ASMTL: variants seen among roughly 807,000 people sequenced by gnomAD.
ASMTL encodes probable bifunctional dTTP/UTP pyrophosphatase/methyltransferase protein.
Under a neutral mutation model 60.3 loss-of-function variants are expected in ASMTL, and 57 were observed. That is an observed-to-expected ratio of 0.95 (90% confidence interval 0.76 to 1.18). ASMTL has a LOEUF of 1.18. Ranked by LOEUF, ASMTL falls within the 50% of genes most tolerant of loss-of-function variation. The pLI, the probability that ASMTL is intolerant of heterozygous loss-of-function variation, is 0.00. For synonymous variants in ASMTL, 419 were observed against 373.0 expected (o/e 1.12, Z -1.42); for missense variants, 981 against 852.6 (o/e 1.15, Z -1.88).
chrX:1,403,648 G>C (rs1291544546), intron 12 of ASMTL, 159 bp from the exon 13 acceptor site: 8 of 638,612 alleles, frequency 1.3e-5, no homozygotes, highest in Non-Finnish European at 2.2e-5. Flanking sequence ...AGGGGAGAGA[G>C]ACAGAGACTT....
chrX:1,411,786 T>C (rs192319328), intron 12 of ASMTL, among the ~76,000 whole-genome samples: 1 of 150,690 alleles, frequency 6.6e-6, no homozygotes, highest in Non-Finnish European at 1.5e-5. Flanking sequence ...ATAGTAAATA[T>C]ATTTTCTCTT....
chrX:1,418,181 G>T, intron 10 of ASMTL, 65 bp from the exon 11 acceptor site: 1 of 1,506,066 alleles, frequency 6.6e-7, no homozygotes, highest in African/African-American at 1.4e-5. Flanking sequence ...ACTCTCCAAA[G>T]CTCAACTGGG....
intron 7 of ASMTL, 169 bp downstream of exon 7, chrX:1,427,565 G>C: frequency 4.4e-6 from 1 of 228,212 alleles, no homozygotes; most frequent in Non-Finnish European, 7.3e-6. Context: ...CAGGAGCTGG[G>C]AGAGGCAGGA....
intron 6 of ASMTL, among the ~76,000 whole-genome samples, chrX:1,431,702 A>G (rs1204579754): frequency 6.7e-6 from 1 of 148,494 alleles, no homozygotes; most frequent in Non-Finnish European, 1.5e-5. Flanking sequence ...GGAATACATA[A>G]ATTATATATA....
chrX:1,410,783 G>A (rs1332511395), intron 12 of ASMTL, among the ~76,000 whole-genome samples: 40 of 152,038 alleles, frequency 2.6e-4, no homozygotes, highest in African/African-American at 8.2e-4. Flanking sequence ...CCAGCTACTC[G>A]GGAGGCTGAG....
intron 5 of ASMTL, among the ~76,000 whole-genome samples, chrX:1,432,982 C>T (rs1307563736): frequency 6.6e-6 from 1 of 152,218 alleles, no homozygotes; most frequent in African/African-American, 2.4e-5. Flanking sequence ...CCTGTCATCC[C>T]AGCTACTCGG....
At chrX:1,413,452 C>T (rs1356631547) in intron 11 of ASMTL, among the ~76,000 whole-genome samples, 14 of 152,228 alleles carry the variant, frequency 9.2e-5, no homozygotes, top group Admixed American at 6.5e-4. Flanking sequence ...GCCGCACTGC[C>T]GGTGAGTGGG....
At chrX:1,438,884 C>G (rs1219755430) in intron 3 of ASMTL, among the ~76,000 whole-genome samples, 2 of 152,182 alleles carry the variant, frequency 1.3e-5, no homozygotes, top group African/African-American at 4.8e-5. Flanking sequence ...ACCTCGGCCT[C>G]CCAAAATGCT....
At chrX:1,420,439 C>T (rs2090452294) in intron 9 of ASMTL, among the ~76,000 whole-genome samples, 1 of 152,186 alleles carries the variant, frequency 6.6e-6, no homozygotes, top group Non-Finnish European at 1.5e-5. Flanking sequence ...GCCCCCGGCT[C>T]CCTGGGGCTC....
At chrX:1,448,744 C>A (rs1165320417) in intron 1 of ASMTL, among the ~76,000 whole-genome samples, 1 of 151,572 alleles carries the variant, frequency 6.6e-6, no homozygotes, top group Non-Finnish European at 1.5e-5. Flanking sequence ...GGGACACACA[C>A]CACCATCTTG....
chrX:1,430,773 A>G lies in ASMTL; in HGVS notation c.509+1496T>C, dbSNP rs191712847. 3.4e-5 allele frequency among the ~76,000 whole-genome samples: 5 copies of G among 147,242 alleles called. 1 individual carries two copies. The highest frequency in any genetic ancestry group is 1.3e-4 in the African/African-American group (5 of 38,462). On this transcript the variant is annotated intron_variant, in intron 6 of 12. Transcript: ENST00000381317. ...GGTGACAGAGTGAGACCGTGTCTCA[A>G]AAAAATAAATAAAATTATTTATATA... is the stretch of plus-strand genomic sequence containing the variant.
intron 6 of ASMTL, 191 bp downstream of exon 6, chrX:1,432,078 C>A: frequency 1.6e-6 from 1 of 607,376 alleles, no homozygotes; most frequent in South Asian, 2.0e-5. Context: ...GGGAGTTTGC[C>A]TCTTTGAGCC....
chrX:1,421,581 C>A (rs1453252801), intron 9 of ASMTL, 77 bp downstream of exon 9: 3 of 1,479,884 alleles, frequency 2.0e-6, no homozygotes, highest in African/African-American at 2.8e-5. Context: ...GGTCAAGGTG[C>A]CTACTGATCT....
At position 1,439,097 on chromosome X, in the gene ASMTL, C is replaced by T; in HGVS notation, c.273G>A (p.Val91=). The T allele has an allele frequency of 6.2e-7, 1 of 1,614,010 alleles. No individual in the cohort carries two copies. Among genetic ancestry groups the T allele is most frequent in the Non-Finnish European group, 8.5e-7 (1 of 1,179,860 alleles). ...PDVVIGADTI[V]TVGGLILEKP... ...AACGAGGCACCCTGGCCGCACTCAC[C>T]ACGATCGTGTCCGCTCCAATGACCA... is the stretch of plus-strand genomic sequence containing the variant. Residue 91 remains valine (V), a splice_region_variant and synonymous_variant, in exon 3 of 13, where the codon GTG becomes GTA. Coordinates refer to ENST00000381317, the MANE Select transcript of ASMTL (RefSeq NM_004192.4).
intron 11 of ASMTL, among the ~76,000 whole-genome samples, chrX:1,416,330 CACGG>C (rs1482078351): frequency 3.0e-4 from 9 of 29,570 alleles, no homozygotes; most frequent in Non-Finnish European, 1.3e-4. Context: ...CACACACACA[CACGG>C]ACATACAGAT....
At chrX:1,411,806 CTTTTTTTTT>C (rs756437483) in intron 12 of ASMTL, among the ~76,000 whole-genome samples, 5 of 86,144 alleles carry the variant, frequency 5.8e-5, no homozygotes, top group African/African-American at 1.5e-4. Flanking sequence ...TTAGGATTTT[CTTTTTTTTT>C]TTTTTTTTTT....
At chrX:1,420,002 C>T (rs1372618467) in intron 9 of ASMTL, among the ~76,000 whole-genome samples, 2 of 149,364 alleles carry the variant, frequency 1.3e-5, no homozygotes, top group African/African-American at 4.9e-5. Context: ...CTGTTTCTGT[C>T]TCCTGTCTCT....
chrX:1,429,938 C>A (rs2090723575), intron 6 of ASMTL, among the ~76,000 whole-genome samples: 1 of 152,050 alleles, frequency 6.6e-6, no homozygotes, highest in African/African-American at 2.4e-5. Context: ...AGTGTGCTGG[C>A]AATTTTCCAG....
At chrX:1,451,875 T>A (rs1232787067) in intron 1 of ASMTL, among the ~76,000 whole-genome samples, 1 of 102,912 alleles carries the variant, frequency 9.7e-6, no homozygotes, top group East Asian at 3.4e-4. Flanking sequence ...CACTCTGCTG[T>A]CCCCATCCCT....
Sources: gnomAD v4.1 joint callset for allele counts (sites outside exome capture counted in the v4.1 genomes callset) on GRCh38, gnomAD v4.1.1 for gene constraint, MANE v1.5 for transcripts, NCBI Gene and HGNC (gene_info 2026-07-23, HGNC 2026-07-21) for gene names.